Variants in ADGRD1 observed in about 807,000 individuals in gnomAD.
ADGRD1 encodes adhesion G protein-coupled receptor D1.
A neutral mutation model predicts 113.4 loss-of-function variants in ADGRD1; 77 were observed. The ratio of observed to expected loss-of-function variants is 0.68; its 90% CI spans 0.57 to 0.82. ADGRD1 has a LOEUF of 0.82. ADGRD1 is among the 40% of genes least tolerant of loss of function. The pLI is 0.00. For missense variants in ADGRD1, 1,036 were observed against 1,139.1 expected (o/e 0.91, Z 1.30); for synonymous variants, 474 against 475.0 (o/e 1.00, Z 0.03).
chr12:131,136,752 A>G (rs1951098055), intron 22 of ADGRD1, among the ~76,000 whole-genome samples: 2 of 152,330 alleles, frequency 1.3e-5, no homozygotes, highest in Admixed American at 1.3e-4. Flanking sequence ...ATGCCCACGC[A>G]GCACCCCCTC....
At chr12:131,086,134 C>T (rs1018102606) in intron 15 of ADGRD1, among the ~76,000 whole-genome samples, 40 of 152,198 alleles carry the variant, frequency 2.6e-4, no homozygotes, top group Non-Finnish European at 4.4e-5. Flanking sequence ...AGGCTGTGGA[C>T]AGGCAGAATC....
At chr12:131,119,043 A>G (rs1469016391) in intron 19 of ADGRD1, among the ~76,000 whole-genome samples, 1 of 152,208 alleles carries the variant, frequency 6.6e-6, no homozygotes, top group African/African-American at 2.4e-5. Context: ...CTGAGGGACC[A>G]GATCAGCTGT....
intron 13 of ADGRD1, among the ~76,000 whole-genome samples, chr12:131,053,554 C>T (rs1883591718): frequency 6.6e-6 from 1 of 152,254 alleles, no homozygotes; most frequent in African/African-American, 2.4e-5. Context: ...CACAGTAACC[C>T]CATAAACAGG....
At chr12:131,038,414 T>TG (rs1881767696) in intron 13 of ADGRD1, among the ~76,000 whole-genome samples, 2 of 152,180 alleles carry the variant, frequency 1.3e-5, no homozygotes, top group Non-Finnish European at 2.9e-5. Context: ...TCCACTCTGG[T>TG]TTGGTATCGC....
intron 15 of ADGRD1, among the ~76,000 whole-genome samples, chr12:131,089,627 C>CTACCTGATGGGTGCTCCT (rs371541088): frequency 6.6e-6 from 1 of 151,964 alleles, no homozygotes; most frequent in African/African-American, 2.4e-5. Context: ...TGGGTGCTCC[C>CTACCTGATGGGTGCTCCT]GGCCAGTGAG....
At chr12:131,137,075 C>A in intron 23 of ADGRD1, 61 bp downstream of exon 23, 1 of 1,355,904 alleles carries the variant, frequency 7.4e-7, no homozygotes. Flanking sequence ...TCCGAAAGGT[C>A]ACAGGAGCAG....
intron 13 of ADGRD1, among the ~76,000 whole-genome samples, chr12:131,055,463 A>G (rs1263150669): frequency 6.6e-6 from 1 of 152,238 alleles, no homozygotes; most frequent in Non-Finnish European, 1.5e-5. Flanking sequence ...CACATCTCAC[A>G]GGTTCCCTTG....
rs78091250 is a variant in ADGRD1, at chr12:131,029,670, C to T, written c.1473+15330C>T. 9.8e-3 allele frequency among the ~76,000 whole-genome samples: 1,363 copies of T among 139,438 alleles called. 1 individual carries two copies. Among genetic ancestry groups the T allele is most frequent in the African/African-American group, 0.027 (900 of 33,846 alleles). The allele number at this position is 139,438 out of a possible 152,430, so 91.5% of individuals were successfully genotyped here. A position where few individuals can be genotyped will look rare whatever the true frequency, so the allele number is the denominator to read the frequency against. On this transcript the variant is annotated intron_variant, in intron 13 of 24. Coordinates refer to ENST00000261654, the MANE Select transcript of ADGRD1 (RefSeq NM_198827.5). ...AGGCTCTGGGGTTAGGTTATGGACC[C>T]CTCGTATGGTGACATTCCCAGGCTC...
intron 12 of ADGRD1, among the ~76,000 whole-genome samples, chr12:131,011,314 T>C (rs960837276): frequency 6.6e-6 from 1 of 151,710 alleles, no homozygotes; most frequent in Non-Finnish European, 1.5e-5. Context: ...CTGGGCCTGG[T>C]GGAGGCCACG....
At chr12:131,102,272 T>G (rs1251465396) in intron 15 of ADGRD1, among the ~76,000 whole-genome samples, 1 of 152,012 alleles carries the variant, frequency 6.6e-6, no homozygotes, top group Non-Finnish European at 1.5e-5. Context: ...TTAATGGGAG[T>G]AGCTCTTGGC....
rs1304055149 is a variant in ADGRD1 at position 131,041,577 on chromosome 12, A to G, written c.1473+27237A>G. Reference sequence around the variant, plus strand: ...AGCATGTATTCAGAATCAAAGAAACAGGAAAGCAAACATCCAGTTATAGCT... The same window carrying G: ...AGCATGTATTCAGAATCAAAGAAACGGGAAAGCAAACATCCAGTTATAGCT... On this transcript the variant is annotated intron_variant, in intron 13 of 24. Transcript: ENST00000261654. The surrounding 1 kb of genome is among the most constrained non-coding windows in gnomAD (Gnocchi z 4.4). Among the ~76,000 whole-genome samples the G allele has an allele frequency of 6.6e-6, 1 of 152,198 alleles. No homozygotes were observed. The highest frequency in any genetic ancestry group is 1.5e-5 in the Non-Finnish European group (1 of 68,018).
rs772855107 is a variant in ADGRD1, at chr12:130,987,259, T to C, written c.655T>C (p.Cys219Arg). Residue 219 changes from cysteine (C) to arginine (R), a missense_variant, in exon 6 of 25, where the codon TGT (cysteine) becomes CGT (arginine). Coordinates refer to ENST00000261654, the MANE Select transcript of ADGRD1 (RefSeq NM_198827.5). ...VIGSEQDQAK[C>R]YENGAFDEFI... The stretch of plus-strand genomic sequence containing the variant: ...AGGGTCTGAGCAGGACCAGGCCAAG[T>C]GTTATGAGAACGGTGCTTTCGATGA... 5.0e-6 allele frequency: 8 copies of C among 1,614,048 alleles called. No homozygotes were observed. Among genetic ancestry groups the C allele is most frequent in the Admixed American group, 1.7e-5 (1 of 60,008 alleles).
intron 5 of ADGRD1, among the ~76,000 whole-genome samples, chr12:130,983,091 T>G (rs1873216847): frequency 6.6e-6 from 1 of 152,300 alleles, no homozygotes; most frequent in East Asian, 1.9e-4. Context: ...CTCTGGACGT[T>G]GGTAGTTGTG....
intron 13 of ADGRD1, among the ~76,000 whole-genome samples, chr12:131,044,380 C>T (rs1363612472): frequency 2.1e-4 from 32 of 152,146 alleles, no homozygotes. Context: ...ACCCGTCCAC[C>T]CACGAGTTCC....
intron 3 of ADGRD1, chr12:130,969,828 G>A (rs1309092815): frequency 6.6e-6 from 1 of 152,146 alleles, no homozygotes; most frequent in Non-Finnish European, 1.5e-5. Flanking sequence ...ATTCTTTCAA[G>A]TTCCCAGGAT....
rs754374268 is a variant in ADGRD1, at chr12:131,084,586, G to A, written c.1594G>A (p.Gly532Arg). ...WSNHGCALTR[G>R]NLTYSVCRCT... ...GAACCACGGCTGTGCGCTCACGAGA[G>A]GAAACCTCACCTACTCCGTCTGCCG... The change falls in exon 15 of 25, where the codon GGA (glycine) becomes AGA (arginine). Residue 532 changes from glycine (G) to arginine (R), a missense_variant. Coordinates refer to ENST00000261654, the MANE Select transcript of ADGRD1 (RefSeq NM_198827.5). The surrounding 1 kb of genome is among the most constrained non-coding windows in gnomAD (Gnocchi z 4.5). 1.2e-6 allele frequency: 2 copies of A among 1,614,102 alleles called. No individual in the cohort carries two copies. Among genetic ancestry groups the A allele is most frequent in the Non-Finnish European group, 1.7e-6 (2 of 1,180,004 alleles).
chr12:131,071,460 G>C (rs1181231336), intron 13 of ADGRD1, among the ~76,000 whole-genome samples: 4 of 152,166 alleles, frequency 2.6e-5, no homozygotes, highest in African/African-American at 9.7e-5. Context: ...TGTCATGTGA[G>C]TGGGAAGGGT....
intron 13 of ADGRD1, among the ~76,000 whole-genome samples, chr12:131,043,642 C>T (rs529224892): frequency 5.9e-4 from 90 of 152,348 alleles, no homozygotes; most frequent in African/African-American, 2.0e-3. Context: ...CAGAGGAAGA[C>T]GCCAAAGCTC....
intron 13 of ADGRD1, among the ~76,000 whole-genome samples, chr12:131,028,252 A>T (rs1292571848): frequency 6.6e-6 from 1 of 152,162 alleles, no homozygotes; most frequent in East Asian, 1.9e-4. Flanking sequence ...TATCCTTTTA[A>T]AAAAATCTAC....
Sources: gnomAD v4.1 joint callset for allele counts (sites outside exome capture counted in the v4.1 genomes callset) on GRCh38, gnomAD v4.1.1 for gene constraint, Gnocchi (gnomAD v3.1) non-coding constraint, MANE v1.5 for transcripts, NCBI Gene and HGNC (gene_info 2026-07-23, HGNC 2026-07-21) for gene names.